Variants in PDE4D observed in about 807,000 individuals in gnomAD.
The protein encoded by PDE4D is 3',5'-cyclic-AMP phosphodiesterase 4D.
A neutral mutation model predicts 87.4 loss-of-function variants in PDE4D; 24 were observed. The observed-to-expected ratio is 0.27, with a 90% CI of 0.20 to 0.39. The LOEUF is 0.39. Ranked by LOEUF, PDE4D falls within the 10% of genes least tolerant of loss-of-function variation. PDE4D has a pLI of 1.00. For missense variants in PDE4D, 714 were observed against 1,041.0 expected, an observed-to-expected ratio of 0.69 and a Z score of 4.32; for synonymous variants, 384 against 383.2, an observed-to-expected ratio of 1.00 and a Z score of -0.02.
At chr5:59,567,485 G>C (rs756084877) in intron 1 of PDE4D, among the ~76,000 whole-genome samples, 2 of 152,120 alleles carry the variant, frequency 1.3e-5, no homozygotes, top group Admixed American at 1.3e-4. Flanking sequence ...TTAAATTGTG[G>C]AATTATCTGA....
rs534821313 is a variant in PDE4D, at chr5:59,498,670, A to G, written c.456-282702T>C. On this transcript the variant is annotated intron_variant, in intron 1 of 14. Transcript: ENST00000340635. ...AAATAGACATTAAACAACAACAGTAAAAAAGGACCAAGAAAGGCATTACAT... is the reference window on the plus strand; with the variant it reads ...AAATAGACATTAAACAACAACAGTAGAAAAGGACCAAGAAAGGCATTACAT... Among the ~76,000 whole-genome samples, 36 of 152,174 alleles carry G rather than the reference A, an allele frequency of 2.4e-4. No individual in the cohort carries two copies. In the South Asian group the frequency reaches 6.9e-3, roughly 29 times the overall value.
At chr5:60,291,454 T>C (rs772247092) in intron 1 of PDE4D, among the ~76,000 whole-genome samples, 18 of 151,926 alleles carry the variant, frequency 1.2e-4, no homozygotes, top group Non-Finnish European at 8.8e-5. Context: ...TTTACTTTTC[T>C]AAATTAAAAA....
intron 3 of PDE4D, among the ~76,000 whole-genome samples, chr5:59,190,807 A>C (rs956018045): frequency 6.6e-5 from 10 of 152,186 alleles, no homozygotes; most frequent in African/African-American, 2.2e-4. Context: ...CTCTATGAAG[A>C]GTGGTGAAAC....
chr5:60,132,834 G>A (rs935451353), intron 2 of PDE4D, among the ~76,000 whole-genome samples: 8 of 152,006 alleles, frequency 5.3e-5, no homozygotes, highest in Admixed American at 1.3e-4. Context: ...TCCAGCCTGG[G>A]CAATAGAGCG....
chr5:59,598,731 C>T (rs73758818), intron 1 of PDE4D, among the ~76,000 whole-genome samples: 1,578 of 151,922 alleles, frequency 0.01, 25 homozygotes, highest in African/African-American at 0.034. Context: ...AGGAGGAAGC[C>T]GTGAAGAAAA....
intron 2 of PDE4D, among the ~76,000 whole-genome samples, chr5:60,122,298 T>C (rs1778758243): frequency 6.6e-6 from 1 of 152,224 alleles, no homozygotes; most frequent in South Asian, 2.1e-4. Context: ...AGGGACTCTG[T>C]GTGGAGGCTC....
chr5:60,222,720 T>C (rs1744642067), intron 1 of PDE4D, among the ~76,000 whole-genome samples: 1 of 152,150 alleles, frequency 6.6e-6, no homozygotes, highest in Admixed American at 6.5e-5. Flanking sequence ...TTTATATCTC[T>C]CTGATGACTA....
intron 1 of PDE4D, among the ~76,000 whole-genome samples, chr5:60,261,924 T>G (rs1358673607): frequency 6.6e-6 from 1 of 152,138 alleles, no homozygotes; most frequent in Non-Finnish European, 1.5e-5. Context: ...AATCCCCCTG[T>G]GACCTGTTGG....
chr5:59,001,404 GTCTC>G (rs919030823), intron 6 of PDE4D, among the ~76,000 whole-genome samples: 2 of 152,080 alleles, frequency 1.3e-5, no homozygotes, highest in Admixed American at 1.3e-4. Context: ...GTAACACTGT[GTCTC>G]TCTGAGTTTC....
intron 1 of PDE4D, among the ~76,000 whole-genome samples, chr5:59,539,253 A>G (rs912761038): frequency 1.3e-5 from 2 of 152,160 alleles, no homozygotes; most frequent in Admixed American, 6.5e-5. Flanking sequence ...GCAGATATGT[A>G]CAAAGACCAC....
At chr5:59,485,352 A>G (rs1804947934) in intron 1 of PDE4D, among the ~76,000 whole-genome samples, 1 of 152,186 alleles carries the variant, frequency 6.6e-6, no homozygotes, top group South Asian at 2.1e-4. Context: ...AAGAGTAGAA[A>G]TGATTAACAC....
At chr5:59,599,194 G>A (rs542076275) in intron 1 of PDE4D, among the ~76,000 whole-genome samples, 16 of 151,590 alleles carry the variant, frequency 1.1e-4, no homozygotes, top group African/African-American at 3.9e-4. Context: ...TGCTGAAAAT[G>A]AGGACATGTA....
intron 1 of PDE4D, among the ~76,000 whole-genome samples, chr5:59,296,416 T>TA (rs34598563): frequency 0.17 from 24,855 of 150,410 alleles, 2,204 homozygotes; most frequent in East Asian, 0.23. Flanking sequence ...GCCAATTTAT[T>TA]AAAAAAAAAA....
At chr5:60,501,768 T>C (rs1029534975) in intron 1 of PDE4D, among the ~76,000 whole-genome samples, 3 of 152,236 alleles carry the variant, frequency 2.0e-5, no homozygotes, top group African/African-American at 4.8e-5. Flanking sequence ...TGAGCATTTT[T>C]TCATGTGTTT....
intron 1 of PDE4D, among the ~76,000 whole-genome samples, chr5:60,322,405 CACACACACACAA>C (rs1562323151): frequency 1.6e-5 from 2 of 127,786 alleles, no homozygotes; most frequent in African/African-American, 5.8e-5. Flanking sequence ...CACACACACA[CACACACACACAA>C]AACCCTAACA....
At chr5:60,051,093 G>A (rs1770091483) in intron 2 of PDE4D, among the ~76,000 whole-genome samples, 1 of 152,080 alleles carries the variant, frequency 6.6e-6, no homozygotes, top group Admixed American at 6.5e-5. Flanking sequence ...ATAATATTGG[G>A]AGACTTTAAC....
At chr5:60,006,951 A>G (rs1240810195) in intron 2 of PDE4D, among the ~76,000 whole-genome samples, 1 of 152,006 alleles carries the variant, frequency 6.6e-6, no homozygotes, top group Non-Finnish European at 1.5e-5. Context: ...CATTTTAAAT[A>G]CATTCATTTC....
Position 60,461,043 on chromosome 5 carries a change from A to G in PDE4D, c.-90+26899T>C, listed in dbSNP as rs189743375. The stretch of plus-strand genomic sequence containing the variant: ...CATACCTTTGGCGTAATTGTTTGAT[A>G]ATTTATTATATAATAGTTAGTTCTT... On this transcript the variant is annotated intron_variant, in intron 1 of 16. Transcript: ENST00000502484. Among the ~76,000 whole-genome samples the G allele has an allele frequency of 1.9e-3, 282 of 152,262 alleles. 1 individual carries two copies. Among genetic ancestry groups the G allele is most frequent in the African/African-American group, 6.6e-3 (273 of 41,548 alleles).
chr5:59,465,710 C>G (rs150538910), intron 1 of PDE4D, among the ~76,000 whole-genome samples: 2,411 of 152,192 alleles, frequency 0.016, 83 homozygotes, highest in African/African-American at 0.056. Context: ...CATCTGCACA[C>G]CTCTGTGATA....
Sources: gnomAD v4.1 joint callset for allele counts (sites outside exome capture counted in the v4.1 genomes callset) on GRCh38, gnomAD v4.1.1 for gene constraint, MANE v1.5 for transcripts, NCBI Gene and HGNC (gene_info 2026-07-23, HGNC 2026-07-21) for gene names.